The following PEG3 variants were observed in gnomAD, a reference collection of about 807,000 sequenced individuals.
PEG3 encodes the protein paternally expressed 3.
Under a neutral mutation model 35.5 loss-of-function variants are expected in PEG3, and 23 were observed. The observed-to-expected ratio is 0.65, with a 90% CI of 0.47 to 0.92. The LOEUF (loss-of-function observed/expected upper bound fraction) is 0.92, where lower values mean the gene tolerates loss of function less well. Among genes scored for constraint, PEG3 ranks in the 40% least tolerant of loss-of-function variants. PEG3 has a pLI of 0.00. For synonymous variants in PEG3, 707 were observed against 697.0 expected (o/e 1.01, Z -0.23); for missense variants, 1,960 against 1,985.3 (o/e 0.99, Z 0.24).
intron 2 of PEG3, among the ~76,000 whole-genome samples, chr19:56,834,691 T>C (rs933645895): frequency 1.3e-5 from 2 of 152,168 alleles, no homozygotes; most frequent in African/African-American, 4.8e-5. Flanking sequence ...AGCACCATAA[T>C]GCATATCTTG....
In PEG3 at chr19:56,814,200, C is replaced by G. The variant is rs2059759444; in HGVS notation, c.4242G>C (p.Glu1414Asp). The change falls in exon 10 of 10, where the codon GAG becomes GAC. Residue 1414 changes from glutamate to aspartate, a missense_variant. Physicochemically the swap from Glu to Asp is conservative, Grantham distance 45. Transcript: ENST00000326441. This position sits in a 1 kb window ranked among gnomAD's most constrained non-coding sequence, Gnocchi z 5.8. ...CAGCCTCTCCGTTTGGCTCAGCAGC[C>G]TCCACTTCTGGCTCAGCAGCCTCCA... The part of the protein sequence containing the change: ...PEVEAAEPEV[E>D]AAEPNGEAEG... 7 of 1,611,550 alleles carry G rather than the reference C, an allele frequency of 4.3e-6. No homozygotes were observed. Among genetic ancestry groups the G allele is most frequent in the Non-Finnish European group, 5.9e-6 (7 of 1,178,250 alleles).
At chr19:56,817,678 G>A (rs2060107020) in intron 9 of PEG3, 68 bp downstream of exon 9, 1 of 1,542,634 alleles carries the variant, frequency 6.5e-7, no homozygotes, top group Non-Finnish European at 9.0e-7. Flanking sequence ...GGAATGCAAA[G>A]TGTAGAAGTT....
Position 56,824,353 on chromosome 19 carries a change from C to T in PEG3, c.303G>A (p.Lys101=). 1 of 1,614,118 alleles carries T rather than the reference C, an allele frequency of 6.2e-7. No individual in the cohort carries two copies. The highest frequency in any genetic ancestry group is 2.2e-5 in the East Asian group (1 of 44,862). The change falls in exon 4 of 10, where the codon AAG becomes AAA. Residue 101 remains lysine (K), a synonymous_variant. Transcript: ENST00000326441. ...LEQYLTIIPE[K]LKPWVRAKKP... ...TTTTTGCTCGCACCCAAGGCTTGAGCTTTTCAGGGATGATGGTCAGGTACT... is the reference window on the plus strand; with the variant it reads ...TTTTTGCTCGCACCCAAGGCTTGAGTTTTTCAGGGATGATGGTCAGGTACT...
At chr19:56,832,190 G>GT (rs1365560075) in intron 2 of PEG3, among the ~76,000 whole-genome samples, 2 of 152,138 alleles carry the variant, frequency 1.3e-5, no homozygotes, top group African/African-American at 4.8e-5. Flanking sequence ...ATATAAAAAT[G>GT]TAAGTAAATG....
chr19:56,829,589 GA>G (rs1166153923), intron 2 of PEG3, among the ~76,000 whole-genome samples: 1 of 152,206 alleles, frequency 6.6e-6, no homozygotes, highest in Non-Finnish European at 1.5e-5. Context: ...GCAGGAAGAG[GA>G]AGTGCTGGTC....
rs1247456158 is a variant in PEG3 at position 56,823,674 on chromosome 19, TGTC to T, written c.397_399del (p.Asp133del). 1.2e-6 allele frequency: 2 copies of T among 1,614,048 alleles called. No homozygotes were observed. The highest frequency in any genetic ancestry group is 2.7e-5 in the African/African-American group (2 of 74,912). On this transcript the variant is annotated inframe_deletion and splice_region_variant, in exon 5 of 10. Transcript: ENST00000326441. ...TCGTCGCTGGTCACGTCACTGTTGTTGTCGTCTAAGAGGACACCGGTCGCCAAG... is the reference window on the plus strand; with the variant it reads ...TCGTCGCTGGTCACGTCACTGTTGTTGTCTAAGAGGACACCGGTCGCCAAG...
rs1785365571 is a variant in PEG3 at position 56,811,061 on chromosome 19, TAAGAG to T, written c.*2609_*2613del. ...TGCACAGAAACAAGAATGAACAAGATAAGAGGAGAGTATATGTCTTTGGATGGTGG... is the reference window on the plus strand; with the variant it reads ...TGCACAGAAACAAGAATGAACAAGATGAGAGTATATGTCTTTGGATGGTGG... On this transcript the variant is annotated 3_prime_UTR_variant, in exon 10 of 10. Coordinates refer to ENST00000326441, the MANE Select transcript of PEG3 (RefSeq NM_006210.3). 1.0e-6 allele frequency: 1 copy of T among 976,710 alleles called. No individual in the cohort carries two copies. The allele number at this position is 976,710 out of a possible 1,614,324, so 60.5% of individuals were successfully genotyped here. A position where few individuals can be genotyped will look rare whatever the true frequency, so the allele number is the denominator to read the frequency against.
intron 2 of PEG3, among the ~76,000 whole-genome samples, chr19:56,829,117 G>A (rs1568698739): frequency 6.6e-6 from 1 of 152,206 alleles, no homozygotes; most frequent in Non-Finnish European, 1.5e-5. Context: ...TTGGGAGGCC[G>A]AGGCGGGTAG....
chr19:56,818,745 C>A (rs1439618398), intron 7 of PEG3, 43 bp from the exon 8 acceptor site: 23 of 1,600,414 alleles, frequency 1.4e-5, no homozygotes, highest in Non-Finnish European at 2.0e-5. Flanking sequence ...TCTGTCCCCA[C>A]CGATGTTCAA....
rs1339914792 is a variant in PEG3 at position 56,813,708 on chromosome 19, G to C, written c.4734C>G (p.Ser1578=). 2 of 1,613,768 alleles carry C rather than the reference G, an allele frequency of 1.2e-6. No individual in the cohort carries two copies. Among genetic ancestry groups the C allele is most frequent in the Non-Finnish European group, 8.5e-7 (1 of 1,179,882 alleles). Reference sequence around the variant, plus strand: ...TGTGGGTATTCTGGTGTCTGGCGAGGGACAGGCGGTCATTGAAGAGCTGCC... The same window carrying C: ...TGTGGGTATTCTGGTGTCTGGCGAGCGACAGGCGGTCATTGAAGAGCTGCC... ...VCGQLFNDRL[S]LARHQNTHTG Residue 1578 remains serine, a synonymous_variant, in exon 10 of 10, where the codon TCC becomes TCG. Transcript: ENST00000326441.
At position 56,824,370 on chromosome 19, in the gene PEG3, TCA is replaced by T. The variant is rs1280279154; in HGVS notation, c.284_285del (p.Leu95HisfsTer5). The part of the protein sequence containing the change: ...IIELLVLEQY[L>X]TIIPEKLKPW... ...GGCTTGAGCTTTTCAGGGATGATGG[TCA>T]GGTACTGCTCAAGGACCAAGAGCTC... On this transcript the variant is annotated frameshift_variant, in exon 4 of 10. Coordinates refer to ENST00000326441, the MANE Select transcript of PEG3 (RefSeq NM_006210.3). LOFTEE classifies it high-confidence loss of function. 6.2e-7 allele frequency: 1 copy of T among 1,614,180 alleles called. No individual in the cohort carries two copies. The highest frequency in any genetic ancestry group is 2.2e-5 in the East Asian group (1 of 44,858).
At chr19:56,836,126 G>A (rs984984105) in intron 1 of PEG3, 22 bp from the exon 2 acceptor site, 4 of 457,200 alleles carry the variant, frequency 8.7e-6, no homozygotes, top group Admixed American at 4.7e-5. Context: ...AAGAAAATGT[G>A]AGACGCCAAG....
intron 1 of PEG3, among the ~76,000 whole-genome samples, chr19:56,836,927 G>A (rs374709722): frequency 5.9e-5 from 8 of 136,228 alleles, no homozygotes; most frequent in African/African-American, 2.3e-4. Flanking sequence ...CCAAGATCAC[G>A]CCACCACACT....
intron 1 of PEG3, among the ~76,000 whole-genome samples, chr19:56,836,335 G>A (rs905765624): frequency 6.6e-6 from 1 of 152,144 alleles, no homozygotes; most frequent in African/African-American, 2.4e-5. Context: ...TACATCAAAG[G>A]CATTCAAGTC....
chr19:56,829,885 C>T (rs532218262), intron 2 of PEG3, among the ~76,000 whole-genome samples: 12 of 152,348 alleles, frequency 7.9e-5, no homozygotes, highest in African/African-American at 2.6e-4. Context: ...CCCACTTCCC[C>T]AGGCCAGCTT....
At position 56,815,391 on chromosome 19, in the gene PEG3, T is replaced by C. The variant is rs2059884759; in HGVS notation, c.3051A>G (p.Thr1017=). Residue 1017 remains threonine (T), a synonymous_variant, in exon 10 of 10, where the codon ACA becomes ACG. Coordinates refer to ENST00000326441, the MANE Select transcript of PEG3 (RefSeq NM_006210.3). ...IRSLAPTDPQ[T]SYAQEQYAKE... is the part of the protein sequence containing the mutation. ...TAGCATACTGCTCTTGGGCGTAACT[T>C]GTTTGAGGGTCAGTAGGGGCCAAGC... 1 of 1,614,064 alleles carries C rather than the reference T, an allele frequency of 6.2e-7. No individual in the cohort carries two copies. Among genetic ancestry groups the C allele is most frequent in the Admixed American group, 1.7e-5 (1 of 60,010 alleles).
intron 2 of PEG3, among the ~76,000 whole-genome samples, chr19:56,831,244 C>G (rs1441169405): frequency 6.6e-6 from 1 of 152,168 alleles, no homozygotes; most frequent in Admixed American, 6.5e-5. Context: ...TGGGACATAA[C>G]AGAGTCCAGA....
chr19:56,822,925 A>G, intron 5 of PEG3, 89 bp from the exon 6 acceptor site: 2 of 1,506,430 alleles, frequency 1.3e-6, no homozygotes, highest in South Asian at 2.4e-5. Flanking sequence ...CTGGAAAGAG[A>G]TGCTACCCTC....
In PEG3 at chr19:56,811,330, T is replaced by C; in HGVS notation, c.*2345A>G. The C allele has an allele frequency of 7.8e-6, 7 of 898,400 alleles. No individual in the cohort carries two copies. The highest frequency in any genetic ancestry group is 9.3e-6 in the Non-Finnish European group (7 of 750,916). 55.7% of individuals were successfully genotyped at this position (898,400 alleles called of 1,614,324 possible). ...TATAATGAACTGTTTAAATGAACTG[T>C]TAAATGAACAGCATATAAATGAACT... On this transcript the variant is annotated 3_prime_UTR_variant, in exon 10 of 10. Coordinates refer to ENST00000326441, the MANE Select transcript of PEG3 (RefSeq NM_006210.3).
Sources: gnomAD v4.1 joint callset for allele counts (sites outside exome capture counted in the v4.1 genomes callset) on GRCh38, gnomAD v4.1.1 for gene constraint, Gnocchi (gnomAD v3.1) non-coding constraint, MANE v1.5 for transcripts, NCBI Gene and HGNC (gene_info 2026-07-23, HGNC 2026-07-21) for gene names.